Variants in MOK observed in about 807,000 individuals in gnomAD.
MOK encodes MOK protein kinase.
In MOK, 59 loss-of-function variants were observed where a neutral mutation model predicts 54.2. That is an observed-to-expected ratio of 1.09 (90% CI 0.88 to 1.35). MOK has a LOEUF of 1.35. Among genes scored for constraint, MOK ranks in the 40% most tolerant of loss-of-function variants. The pLI is 0.00. For missense variants in MOK, 517 were observed against 526.2 expected (o/e 0.98, Z 0.17); for synonymous variants, 210 against 202.7 (o/e 1.04, Z -0.31).
At chr14:102,280,445 A>G (rs575056175) in intron 2 of MOK, among the ~76,000 whole-genome samples, 1 of 152,260 alleles carries the variant, frequency 6.6e-6, no homozygotes, top group East Asian at 1.9e-4. Context: ...TCCTGGGCTC[A>G]AGCAATTCTC....
chr14:102,265,713 C>T (rs925806225), intron 3 of MOK, 110 bp downstream of exon 3: 3 of 799,644 alleles, frequency 3.8e-6, no homozygotes, highest in Non-Finnish European at 6.0e-6. Context: ...AAAATGGTTA[C>T]TCTCTGAGCT....
At chr14:102,288,979 T>C (rs1470154974) in intron 1 of MOK, among the ~76,000 whole-genome samples, 5 of 152,192 alleles carry the variant, frequency 3.3e-5, no homozygotes, top group Non-Finnish European at 7.3e-5. Context: ...CTCGGCTCAC[T>C]GCAACCTCCA....
At chr14:102,218,571 T>C in the MOK span, among the ~76,000 whole-genome samples, 5,170 of 152,358 alleles carry the variant, frequency 0.034, 250 homozygotes, top group African/African-American at 0.1. Flanking sequence ...ATATATATTC[T>C]GGTGCAACAA....
intron 4 of MOK, among the ~76,000 whole-genome samples, chr14:102,258,690 C>A (rs778397916): frequency 6.6e-6 from 1 of 152,194 alleles, no homozygotes; most frequent in Non-Finnish European, 1.5e-5. Context: ...CATCTGACAC[C>A]TGTTCAACAA....
At position 102,283,416 on chromosome 14, in the gene MOK, G is replaced by A. The variant is rs1349794286; in HGVS notation, c.122+62C>T. 2.9e-6 allele frequency: 3 copies of A among 1,042,624 alleles called. No individual in the cohort carries two copies. In the African/African-American group the frequency reaches 4.8e-5, roughly 17 times the overall value. The allele number at this position is 1,042,624 out of a possible 1,614,324, so 64.6% of individuals were successfully genotyped here. On this transcript the variant is annotated intron_variant, in intron 2 of 11. Coordinates refer to ENST00000361847, the MANE Select transcript of MOK (RefSeq NM_014226.3). ...TAATAAAGCTCCCCCCTAATATTAAGTTGCCGTTATTGACTGAAACTTGGA... is the reference window on the plus strand; with the variant it reads ...TAATAAAGCTCCCCCCTAATATTAAATTGCCGTTATTGACTGAAACTTGGA...
intron 2 of MOK, among the ~76,000 whole-genome samples, chr14:102,270,123 AT>A (rs1233950019): frequency 6.6e-6 from 1 of 152,272 alleles, no homozygotes; most frequent in Non-Finnish European, 1.5e-5. Context: ...ACAGTAAGTT[AT>A]CTAGAAAAGT....
At chr14:102,246,319 C>G (rs770222757) in intron 7 of MOK, 1 of 152,104 alleles carries the variant, frequency 6.6e-6, no homozygotes, top group African/African-American at 2.4e-5. Flanking sequence ...AGTGGATAAT[C>G]GACCTTTTCT....
Position 102,232,097 on chromosome 14 carries a change from G to A in MOK, c.867-276C>T. 2.4e-6 allele frequency: 1 copy of A among 422,156 alleles called. No homozygotes were observed. The highest frequency in any genetic ancestry group is 4.6e-5 in the South Asian group (1 of 21,942). 26.2% of individuals were successfully genotyped at this position (422,156 alleles called of 1,614,324 possible). On this transcript the variant is annotated intron_variant, in intron 9 of 11. Transcript: ENST00000361847. The surrounding 1 kb of genome is among the most constrained non-coding windows in gnomAD (Gnocchi z 5.1). ...GTCACCTCCACAGTTAGGCAAACAG[G>A]AGTGTCCAGAGGTCCGGAATTAGGT...
At chr14:102,298,743 T>G (rs956084750) in intron 1 of MOK, among the ~76,000 whole-genome samples, 1 of 152,164 alleles carries the variant, frequency 6.6e-6, no homozygotes, top group Non-Finnish European at 1.5e-5. Context: ...ATGTGGAAGC[T>G]TTGTTCTTTC....
chr14:102,271,917 G>T (rs1351836400), intron 2 of MOK, among the ~76,000 whole-genome samples: 1 of 148,834 alleles, frequency 6.7e-6, no homozygotes, highest in Non-Finnish European at 1.5e-5. Context: ...CTCACTCTGT[G>T]GCCCAGGCTG....
downstream of MOK, chr14:102,224,551 C>G (rs766815365): frequency 2.2e-6 from 1 of 455,966 alleles, no homozygotes; most frequent in Non-Finnish European, 4.4e-6. Context: ...TGTCTGAAAC[C>G]TATTTCTCTA....
At chr14:102,291,075 T>C (rs1450868384) in intron 1 of MOK, among the ~76,000 whole-genome samples, 1 of 152,186 alleles carries the variant, frequency 6.6e-6, no homozygotes, top group Non-Finnish European at 1.5e-5. Context: ...TTTATTGTTC[T>C]CACTTGCCTT....
intron 4 of MOK, 69 bp from the exon 5 acceptor site, chr14:102,252,064 A>C: frequency 1.1e-6 from 1 of 929,856 alleles, no homozygotes; most frequent in Non-Finnish European, 1.7e-6. Context: ...AAATAAAAAT[A>C]ATCTATTTTT....
intron 7 of MOK, among the ~76,000 whole-genome samples, chr14:102,242,618 C>A (rs1353841089): frequency 6.6e-5 from 10 of 152,122 alleles, no homozygotes; most frequent in Non-Finnish European, 4.4e-5. Context: ...CCACAGTACA[C>A]TTTAAAAGGA....
At chr14:102,216,122 TC>T in the MOK span, among the ~76,000 whole-genome samples, 2 of 152,158 alleles carry the variant, frequency 1.3e-5, no homozygotes, top group African/African-American at 4.8e-5. Flanking sequence ...CCCAGAAGCT[TC>T]CCACGGTGCT....
At chr14:102,251,657 T>G (rs1364419495) in intron 6 of MOK, 99 bp downstream of exon 6, 1 of 933,898 alleles carries the variant, frequency 1.1e-6, no homozygotes, top group Non-Finnish European at 1.7e-6. Context: ...TCTAGCCGCA[T>G]GGACTGAAAG....
rs912261571 is a variant in MOK at position 102,232,832 on chromosome 14, C to T, written c.693-124G>A. ...TTATGACTGCAGAGTCTACACCTGT[C>T]CCAGCCCACAGAACGTGCACCACCA... On this transcript the variant is annotated intron_variant, in intron 8 of 11. Coordinates refer to ENST00000361847, the MANE Select transcript of MOK (RefSeq NM_014226.3). The surrounding 1 kb of genome is among the most constrained non-coding windows in gnomAD (Gnocchi z 5.1). 1.0e-5 allele frequency: 8 copies of T among 795,844 alleles called. No homozygotes were observed. Among genetic ancestry groups the T allele is most frequent in the Non-Finnish European group, 1.6e-5 (8 of 513,242 alleles). 49.3% of individuals were successfully genotyped at this position (795,844 alleles called of 1,614,324 possible).
rs1417417094 is a variant in MOK, at chr14:102,233,481, T to A, written c.692+207A>T. On this transcript the variant is annotated intron_variant, in intron 8 of 11. Coordinates refer to ENST00000361847, the MANE Select transcript of MOK (RefSeq NM_014226.3). ...CCTGTGACAAATCTTTCTGTGATGCTCAAGGAAGAGCTCACCTTTGAGACC... is the reference window on the plus strand; with the variant it reads ...CCTGTGACAAATCTTTCTGTGATGCACAAGGAAGAGCTCACCTTTGAGACC... 21 of 548,714 alleles carry A rather than the reference T, an allele frequency of 3.8e-5. No homozygotes were observed. The Admixed American group carries it at 6.6e-4, about 17-fold the overall frequency. The allele number at this position is 548,714 out of a possible 1,614,324, so 34.0% of individuals were successfully genotyped here.
rs1016540506 is a variant in MOK at position 102,230,076 on chromosome 14, C to T, written c.982-419G>A. ...TTGTTTTGAGACACGGTGTTTGTTGCTCTGTAGCACAGACTGGAGTGCAGT... is the reference window on the plus strand; with the variant it reads ...TTGTTTTGAGACACGGTGTTTGTTGTTCTGTAGCACAGACTGGAGTGCAGT... On this transcript the variant is annotated intron_variant, in intron 10 of 11. Coordinates refer to ENST00000361847, the MANE Select transcript of MOK (RefSeq NM_014226.3). The surrounding 1 kb of genome is among the most constrained non-coding windows in gnomAD (Gnocchi z 4.1). 6 of 187,400 alleles carry T rather than the reference C, an allele frequency of 3.2e-5. No individual in the cohort carries two copies. The highest frequency in any genetic ancestry group is 4.7e-5 in the African/African-American group (2 of 42,256). 11.6% of individuals were successfully genotyped at this position (187,400 alleles called of 1,614,324 possible).
Sources: gnomAD v4.1 joint callset for allele counts (sites outside exome capture counted in the v4.1 genomes callset) on GRCh38, gnomAD v4.1.1 for gene constraint, Gnocchi (gnomAD v3.1) non-coding constraint, MANE v1.5 for transcripts, NCBI Gene and HGNC (gene_info 2026-07-23, HGNC 2026-07-21) for gene names.